Variants in UGGT1 observed in about 807,000 individuals in gnomAD.
UGGT1 encodes the protein UDP-glucose:glycoprotein glucosyltransferase 1.
UGGT1 carries 107 observed loss-of-function variants against 203.9 expected under a neutral mutation model. The ratio of observed to expected loss-of-function variants is 0.52; its 90% CI spans 0.45 to 0.62. UGGT1 has a LOEUF of 0.62. UGGT1 is among the 20% of genes least tolerant of loss of function. UGGT1 has a pLI of 0.00. For synonymous variants in UGGT1, 628 were observed against 653.5 expected, an observed-to-expected ratio of 0.96 and a Z score of 0.59; for missense variants, 1,673 against 1,867.2, an observed-to-expected ratio of 0.90 and a Z score of 1.92.
intron 18 of UGGT1, among the ~76,000 whole-genome samples, chr2:128,151,793 C>T (rs1689985260): frequency 6.6e-6 from 1 of 152,094 alleles, no homozygotes. Context: ...ATCCCTTGAG[C>T]CCTGGAGGTC....
intron 9 of UGGT1, among the ~76,000 whole-genome samples, chr2:128,120,867 A>AGG (rs1688348444): frequency 6.6e-6 from 1 of 152,204 alleles, no homozygotes; most frequent in Non-Finnish European, 1.5e-5. Flanking sequence ...TCATTTACTA[A>AGG]AAGTCTTCAT....
At chr2:128,140,774 C>T (rs1689382319) in intron 16 of UGGT1, among the ~76,000 whole-genome samples, 2 of 152,100 alleles carry the variant, frequency 1.3e-5, no homozygotes, top group South Asian at 4.1e-4. Context: ...ACTCCTGGCC[C>T]TAAGTGATCC....
At chr2:128,164,516 C>T (rs150186830) in intron 25 of UGGT1, among the ~76,000 whole-genome samples, 5 of 152,300 alleles carry the variant, frequency 3.3e-5, no homozygotes, top group African/African-American at 1.2e-4. Context: ...AGTCATGCAG[C>T]GTGGGTGCTG....
intron 40 of UGGT1, among the ~76,000 whole-genome samples, 199 bp downstream of exon 40, chr2:128,187,813 GTT>G (rs371196531): frequency 7.0e-6 from 1 of 143,032 alleles, no homozygotes; most frequent in Admixed American, 7.0e-5. Flanking sequence ...CAATTGCTAT[GTT>G]TTTTTTTTTT....
At chr2:128,182,887 A>C (rs1327394519) in intron 37 of UGGT1, among the ~76,000 whole-genome samples, 2 of 121,264 alleles carry the variant, frequency 1.6e-5, no homozygotes. Flanking sequence ...TATGCTACCT[A>C]TTTATACATT....
At chr2:128,123,850 T>G (rs1688492327) in intron 11 of UGGT1, among the ~76,000 whole-genome samples, 1 of 152,248 alleles carries the variant, frequency 6.6e-6, no homozygotes, top group South Asian at 2.1e-4. Context: ...TTTGTGTTTT[T>G]GGTTTATTTC....
intron 26 of UGGT1, 53 bp from the exon 27 acceptor site, chr2:128,170,235 A>T: frequency 1.3e-6 from 2 of 1,514,444 alleles, no homozygotes; most frequent in Non-Finnish European, 9.2e-7. Flanking sequence ...TACAAAAAAA[A>T]CTTTTGTTTC....
intron 11 of UGGT1, among the ~76,000 whole-genome samples, 153 bp downstream of exon 11, chr2:128,123,399 A>G (rs556147116): frequency 6.6e-6 from 1 of 152,300 alleles, no homozygotes; most frequent in East Asian, 1.9e-4. Flanking sequence ...TTTAGTTTTT[A>G]ATGAAAGTTC....
chr2:128,143,339 G>A (rs1214348087), intron 17 of UGGT1, 114 bp downstream of exon 17: 7 of 1,197,984 alleles, frequency 5.8e-6, no homozygotes, highest in African/African-American at 1.6e-5. Context: ...TCAGTACTTA[G>A]CATTTAAAAG....
chr2:128,185,496 C>T (rs1288343816), intron 38 of UGGT1, among the ~76,000 whole-genome samples: 1 of 92,554 alleles, frequency 1.1e-5, no homozygotes, highest in Admixed American at 1.3e-4. Flanking sequence ...TTTTTTTAGA[C>T]AAGGTCTCAC....
intron 16 of UGGT1, among the ~76,000 whole-genome samples, chr2:128,139,379 C>T (rs1228162641): frequency 6.6e-6 from 1 of 152,152 alleles, no homozygotes; most frequent in Non-Finnish European, 1.5e-5. Context: ...CCACCATGCC[C>T]AGAGAATATT....
chr2:128,096,140 G>A (rs927985877), intron 1 of UGGT1, among the ~76,000 whole-genome samples: 32 of 152,270 alleles, frequency 2.1e-4, no homozygotes, highest in African/African-American at 7.5e-4. Flanking sequence ...GGCTTGGAGC[G>A]GCTGCGGAGG....
At position 128,190,118 on chromosome 2, in the gene UGGT1, T is replaced by C; in HGVS notation, c.*376T>C. ...AGGGCCAGCTAGAGCCACCATGTTC[T>C]TCCTTACCTCAGTTTACCTGCGGCC... On this transcript the variant is annotated 3_prime_UTR_variant, in exon 41 of 41. Transcript: ENST00000259253. The C allele has an allele frequency of 5.4e-6, 1 of 184,924 alleles. No individual in the cohort carries two copies. The highest frequency in any genetic ancestry group is 1.3e-4 in the East Asian group (1 of 7,780). 11.5% of individuals were successfully genotyped at this position (184,924 alleles called of 1,614,324 possible). A position where few individuals can be genotyped will look rare whatever the true frequency, so the allele number is the denominator to read the frequency against.
chr2:128,178,348 C>T (rs923381313), intron 33 of UGGT1, 120 bp from the exon 34 acceptor site: 9 of 851,878 alleles, frequency 1.1e-5, no homozygotes, highest in Non-Finnish European at 1.7e-5. Context: ...CATAACCACT[C>T]CTGCTGCAGC....
rs1691584518 is a variant in UGGT1, at chr2:128,179,701, T to C, written c.3816-85T>C. On this transcript the variant is annotated intron_variant, in intron 34 of 40. Transcript: ENST00000259253. ...AGTTAGCTCTGCCGTAAAGAGCATT[T>C]AGGTGTCTCGTGATTGACTCTACAT... is the stretch of plus-strand genomic sequence containing the variant. 1.0e-5 allele frequency: 12 copies of C among 1,144,958 alleles called. No homozygotes were observed. In the Admixed American group the frequency reaches 2.5e-4, roughly 24 times the overall value. 70.9% of individuals were successfully genotyped at this position (1,144,958 alleles called of 1,614,324 possible). A position where few individuals can be genotyped will look rare whatever the true frequency, so the allele number is the denominator to read the frequency against.
At chr2:128,183,580 A>C in intron 37 of UGGT1, 95 bp from the exon 38 acceptor site, 3 of 846,180 alleles carry the variant, frequency 3.5e-6, no homozygotes, top group Non-Finnish European at 5.8e-6. Flanking sequence ...GAAAAGCCAG[A>C]ATATTTGGCT....
rs182604525 is a variant in UGGT1, at chr2:128,160,712, A to T, written c.2694+121A>T. The T allele has an allele frequency of 6.6e-6, 9 of 1,357,034 alleles. No homozygotes were observed. In the African/African-American group the frequency reaches 1.3e-4, roughly 20 times the overall value. 84.1% of individuals were successfully genotyped at this position (1,357,034 alleles called of 1,614,324 possible). On this transcript the variant is annotated intron_variant, in intron 24 of 40. Coordinates refer to ENST00000259253, the MANE Select transcript of UGGT1 (RefSeq NM_020120.4). ...CTTTTTTCAAAGGTGATTGGGGCTT[A>T]TGAAGTGCCATTGATGTTTCTGCCT... is the stretch of plus-strand genomic sequence containing the variant.
chr2:128,165,830 C>T (rs973489886), intron 26 of UGGT1, among the ~76,000 whole-genome samples: 2 of 152,052 alleles, frequency 1.3e-5, no homozygotes, highest in Non-Finnish European at 2.9e-5. Flanking sequence ...AGCGTGATCT[C>T]AGCTCACTGC....
chr2:128,097,752 G>T (rs1687180096), intron 2 of UGGT1, among the ~76,000 whole-genome samples, 188 bp downstream of exon 2: 1 of 152,212 alleles, frequency 6.6e-6, no homozygotes, highest in Non-Finnish European at 1.5e-5. Flanking sequence ...TAGGACAAGG[G>T]CTATGTGGGT....
Sources: allele counts gnomAD v4.1 joint callset (sites outside exome capture counted in the v4.1 genomes callset), GRCh38; gene constraint gnomAD v4.1.1; transcripts MANE v1.5; gene names NCBI Gene and HGNC (gene_info 2026-07-23, HGNC 2026-07-21).